PRKCQ: variants seen among roughly 807,000 people sequenced by gnomAD.
The protein encoded by PRKCQ is protein kinase C theta.
A neutral mutation model predicts 91.2 loss-of-function variants in PRKCQ; 41 were observed. The observed-to-expected ratio is 0.45, with a 90% CI of 0.35 to 0.58. PRKCQ has a LOEUF of 0.58. Ranked by LOEUF, PRKCQ falls within the 20% of genes least tolerant of loss-of-function variation. The pLI is 0.00. For synonymous variants in PRKCQ, 307 were observed against 316.9 expected, an observed-to-expected ratio of 0.97 and a Z score of 0.33; for missense variants, 673 against 896.5, an observed-to-expected ratio of 0.75 and a Z score of 3.18.
chr10:6,413,056 C>T, the PRKCQ span, among the ~76,000 whole-genome samples: 2 of 152,112 alleles, frequency 1.3e-5, no homozygotes, highest in Non-Finnish European at 2.9e-5. Context: ...GGGTTCACGC[C>T]ATTCTCCTGC....
intron 15 of PRKCQ, among the ~76,000 whole-genome samples, chr10:6,455,068 C>T (rs1337817979): frequency 6.6e-6 from 1 of 152,116 alleles, no homozygotes; most frequent in Non-Finnish European, 1.5e-5. Context: ...TGAGATGGCT[C>T]AGGTGAGGCT....
chr10:6,534,785 TATA>T (rs1564379052), intron 1 of PRKCQ, among the ~76,000 whole-genome samples: 3 of 145,736 alleles, frequency 2.1e-5, no homozygotes, highest in Non-Finnish European at 4.5e-5. Flanking sequence ...TATATATATA[TATA>T]TATAGATATA....
chr10:6,457,550 G>A (rs940423826), intron 14 of PRKCQ, among the ~76,000 whole-genome samples: 11 of 152,294 alleles, frequency 7.2e-5, no homozygotes, highest in African/African-American at 2.2e-4. Context: ...TTGTACCACA[G>A]CTGCATGAGA....
intron 1 of PRKCQ, among the ~76,000 whole-genome samples, chr10:6,521,850 T>C (rs1444632411): frequency 6.6e-6 from 1 of 152,172 alleles, no homozygotes; most frequent in East Asian, 1.9e-4. Context: ...CTTCCAAGCT[T>C]TTGCTACCCC....
At position 6,427,271 on chromosome 10, in the gene PRKCQ, A is replaced by G. The variant is rs1223053534; in HGVS notation, c.*936T>C. On this transcript the variant is annotated 3_prime_UTR_variant, in exon 18 of 18. Transcript: ENST00000263125. ...TATGGTTGGAATTCTAATTCAACTC[A>G]ATTGACTGCTGCAAACAGCATGCAT... 6.6e-6 allele frequency: 1 copy of G among 152,242 alleles called. No individual in the cohort carries two copies. Among genetic ancestry groups the G allele is most frequent in the African/African-American group, 2.4e-5 (1 of 41,462 alleles). 9.4% of individuals were successfully genotyped at this position (152,242 alleles called of 1,614,324 possible).
chr10:6,561,544 A>G (rs1840635406), intron 1 of PRKCQ, among the ~76,000 whole-genome samples: 1 of 152,250 alleles, frequency 6.6e-6, no homozygotes, highest in Non-Finnish European at 1.5e-5. Flanking sequence ...ATTGATTTAC[A>G]TACACAGAAA....
intron 1 of PRKCQ, among the ~76,000 whole-genome samples, chr10:6,548,995 G>A (rs1393331043): frequency 2.0e-5 from 3 of 152,170 alleles, no homozygotes; most frequent in Admixed American, 6.5e-5. Context: ...TCATTCACCA[G>A]TCTTATTGTG....
chr10:6,521,505 C>G (rs1417729307), intron 1 of PRKCQ, among the ~76,000 whole-genome samples: 1 of 152,136 alleles, frequency 6.6e-6, no homozygotes, highest in Admixed American at 6.5e-5. Flanking sequence ...CCCAAAGAGC[C>G]ATGAGGATTA....
downstream of PRKCQ, among the ~76,000 whole-genome samples, chr10:6,422,456 T>G (rs954487361): frequency 6.6e-6 from 1 of 152,136 alleles, no homozygotes; most frequent in African/African-American, 2.4e-5. Flanking sequence ...CCTCCCCTTA[T>G]GGTGATAGAG....
chr10:6,543,195 C>A (rs562745814), intron 1 of PRKCQ, among the ~76,000 whole-genome samples: 1 of 152,288 alleles, frequency 6.6e-6, no homozygotes, highest in East Asian at 1.9e-4. Context: ...TATTTCTGTG[C>A]GCTCAGTAAT....
At chr10:6,537,881 G>A (rs1487390813) in intron 1 of PRKCQ, among the ~76,000 whole-genome samples, 1 of 152,198 alleles carries the variant, frequency 6.6e-6, no homozygotes, top group East Asian at 1.9e-4. Flanking sequence ...CTCTTCCACA[G>A]CGCCCCCCTT....
rs1835015198 is a variant in PRKCQ, at chr10:6,456,525, T to A, written c.1647+149A>T. 4 of 973,710 alleles carry A rather than the reference T, an allele frequency of 4.1e-6. No homozygotes were observed. In the Admixed American group the frequency reaches 1.2e-4, roughly 29 times the overall value. 60.3% of individuals were successfully genotyped at this position (973,710 alleles called of 1,614,324 possible). A position where few individuals can be genotyped will look rare whatever the true frequency, so the allele number is the denominator to read the frequency against. On this transcript the variant is annotated intron_variant, in intron 15 of 17. Coordinates refer to ENST00000263125, the MANE Select transcript of PRKCQ (RefSeq NM_006257.5). ...CACAAAATAATAATAGAAACCCACATGCATGGTGGCGTTTATGAGATACTT... is the reference window on the plus strand; with the variant it reads ...CACAAAATAATAATAGAAACCCACAAGCATGGTGGCGTTTATGAGATACTT...
chr10:6,497,324 A>C lies in PRKCQ; in HGVS notation c.543-73T>G. On this transcript the variant is annotated intron_variant, in intron 5 of 17. Transcript: ENST00000263125. This position sits in a 1 kb window ranked among gnomAD's most constrained non-coding sequence, Gnocchi z 4.5. ...AGCACCAACAGCATTTAAGAGATGG[A>C]TGAGATCTCATAACCCCCTAAGATC... 5 of 1,529,680 alleles carry C rather than the reference A, an allele frequency of 3.3e-6. No homozygotes were observed. The highest frequency in any genetic ancestry group is 4.5e-6 in the Non-Finnish European group (5 of 1,104,402). 94.8% of individuals were successfully genotyped at this position (1,529,680 alleles called of 1,614,324 possible). A position where few individuals can be genotyped will look rare whatever the true frequency, so the allele number is the denominator to read the frequency against.
chr10:6,551,519 C>T (rs973003175), intron 1 of PRKCQ, among the ~76,000 whole-genome samples: 4 of 151,888 alleles, frequency 2.6e-5, no homozygotes, highest in Non-Finnish European at 5.9e-5. Flanking sequence ...GCCTCAGCCT[C>T]CTGAGTAGCT....
chr10:6,496,152 G>A (rs576764615), intron 7 of PRKCQ, among the ~76,000 whole-genome samples: 1 of 137,876 alleles, frequency 7.3e-6, no homozygotes, highest in East Asian at 2.2e-4. Flanking sequence ...GAAGGTGGAA[G>A]TTGCAGTGAA....
chr10:6,485,903 A>T, intron 9 of PRKCQ, 132 bp downstream of exon 9: 1 of 709,470 alleles, frequency 1.4e-6, no homozygotes, highest in Non-Finnish European at 2.4e-6. Flanking sequence ...TATGAAAGCC[A>T]AGGGCAAGGC....
At chr10:6,561,646 T>G (rs375152291) in intron 1 of PRKCQ, among the ~76,000 whole-genome samples, 1 of 151,326 alleles carries the variant, frequency 6.6e-6, no homozygotes, top group Admixed American at 6.6e-5. Context: ...ATAGATTACT[T>G]TTTTAAATTC....
intron 1 of PRKCQ, among the ~76,000 whole-genome samples, chr10:6,540,459 GA>G (rs1839733710): frequency 6.6e-6 from 1 of 152,092 alleles, no homozygotes; most frequent in African/African-American, 2.4e-5. Flanking sequence ...ACTACTCTAG[GA>G]ACCTCGTATA....
chr10:6,419,006 GCTAT>G, the PRKCQ span, among the ~76,000 whole-genome samples: 9 of 126,346 alleles, frequency 7.1e-5, no homozygotes, highest in Admixed American at 2.4e-4. Context: ...TATCTATCTT[GCTAT>G]CTATGTATCT....
Sources: gnomAD v4.1 joint callset for allele counts (sites outside exome capture counted in the v4.1 genomes callset) on GRCh38, gnomAD v4.1.1 for gene constraint, Gnocchi (gnomAD v3.1) non-coding constraint, MANE v1.5 for transcripts, NCBI Gene and HGNC (gene_info 2026-07-23, HGNC 2026-07-21) for gene names.